SGCG: variants seen among roughly 807,000 people sequenced by gnomAD.
The protein encoded by SGCG is sarcoglycan gamma.
SGCG carries 26 observed loss-of-function variants against 29.3 expected under a neutral mutation model. That is an observed-to-expected ratio of 0.89 (90% CI 0.65 to 1.23). The LOEUF (loss-of-function observed/expected upper bound fraction) is 1.23. Among genes scored for constraint, SGCG ranks in the 50% most tolerant of loss-of-function variants. The probability of loss-of-function intolerance (pLI) is 0.00; values close to 1 mark genes in which losing one functional copy is unlikely to be tolerated. For synonymous variants in SGCG, 145 were observed against 129.7 expected (o/e 1.12, Z -0.80); for missense variants, 353 against 356.0 (o/e 0.99, Z 0.07).
intron 5 of SGCG, among the ~76,000 whole-genome samples, chr13:23,286,207 T>G (rs1446993470): frequency 6.6e-6 from 1 of 152,198 alleles, no homozygotes; most frequent in African/African-American, 2.4e-5. Context: ...TAGCCACTGG[T>G]CTCTCACCAT....
chr13:23,168,929 A>C, the SGCG span, among the ~76,000 whole-genome samples: 1 of 152,208 alleles, frequency 6.6e-6, no homozygotes, highest in East Asian at 1.9e-4. Flanking sequence ...TTGCATTGGA[A>C]TTTCCTTTCT....
At chr13:23,228,126 C>T (rs1482520758) in intron 2 of SGCG, among the ~76,000 whole-genome samples, 2 of 151,936 alleles carry the variant, frequency 1.3e-5, no homozygotes, top group African/African-American at 4.8e-5. Flanking sequence ...TAGAGCTGTC[C>T]TGTATCTTGA....
chr13:23,249,008 A>C (rs1467526220), intron 3 of SGCG, among the ~76,000 whole-genome samples: 2 of 148,684 alleles, frequency 1.3e-5, no homozygotes, highest in African/African-American at 4.9e-5. Flanking sequence ...AAAAAAAAAA[A>C]AAAACAAACC....
At chr13:23,187,886 C>A (rs910601093) in intron 1 of SGCG, among the ~76,000 whole-genome samples, 2 of 152,230 alleles carry the variant, frequency 1.3e-5, no homozygotes, top group African/African-American at 4.8e-5. Context: ...GCATATATTT[C>A]TCTGCTGCAG....
rs652074 is a variant in SGCG at position 23,210,584 on chromosome 13, G to A, written c.195+6695G>A. 4.5e-3 allele frequency among the ~76,000 whole-genome samples: 678 copies of A among 152,152 alleles called. 4 individuals are homozygous for A. Among genetic ancestry groups the A allele is most frequent in the African/African-American group, 0.015 (633 of 41,514 alleles). ...CGGGCGCCTGTAGTCCCAGCTACTC[G>A]GGAGGCTGAAGCAAGAGAATGCGGT... On this transcript the variant is annotated intron_variant, in intron 2 of 7. Coordinates refer to ENST00000218867, the MANE Select transcript of SGCG (RefSeq NM_000231.3).
intron 5 of SGCG, among the ~76,000 whole-genome samples, chr13:23,292,657 TATC>T (rs35980090): frequency 0.19 from 29,642 of 152,126 alleles, 3,098 homozygotes; most frequent in East Asian, 0.36. Context: ...TCAGTCATAA[TATC>T]ATCTTGTTTA....
intron 2 of SGCG, among the ~76,000 whole-genome samples, chr13:23,212,170 G>C (rs1238206533): frequency 6.6e-6 from 1 of 152,110 alleles, no homozygotes; most frequent in Non-Finnish European, 1.5e-5. Context: ...TATGCTTCCT[G>C]TGCAGCCTGT....
At chr13:23,223,067 A>G (rs916655619) in intron 2 of SGCG, among the ~76,000 whole-genome samples, 1 of 152,028 alleles carries the variant, frequency 6.6e-6, no homozygotes. Context: ...TCACGAGGTC[A>G]GGAGATCGAG....
intron 6 of SGCG, among the ~76,000 whole-genome samples, chr13:23,310,182 G>A (rs1489089056): frequency 2.1e-5 from 3 of 143,458 alleles, no homozygotes; most frequent in Non-Finnish European, 4.5e-5. Context: ...CGCCTCCTGG[G>A]TTCACGCCAT....
chr13:23,324,262 T>C (rs1362598210), intron 7 of SGCG, 106 bp from the exon 8 acceptor site: 2 of 1,072,498 alleles, frequency 1.9e-6, no homozygotes, highest in Non-Finnish European at 2.8e-6. Flanking sequence ...CTATTTTGTT[T>C]TCTATGAGGA....
intron 4 of SGCG, among the ~76,000 whole-genome samples, chr13:23,265,441 G>T (rs1349979213): frequency 6.6e-6 from 1 of 152,134 alleles, no homozygotes; most frequent in Non-Finnish European, 1.5e-5. Context: ...GCTGGGTGCA[G>T]TTGCACGCAC....
At chr13:23,183,330 TGAC>T (rs1876823003) in intron 1 of SGCG, among the ~76,000 whole-genome samples, 1 of 152,112 alleles carries the variant, frequency 6.6e-6, no homozygotes, top group Admixed American at 6.5e-5. Flanking sequence ...CTCGGGAAAA[TGAC>T]GGTAACTGGT....
At chr13:23,280,342 T>A (rs987172407) in intron 5 of SGCG, among the ~76,000 whole-genome samples, 2 of 152,220 alleles carry the variant, frequency 1.3e-5, no homozygotes, top group Non-Finnish European at 2.9e-5. Flanking sequence ...CTTTCTGTAC[T>A]ACTGTGAAAA....
chr13:23,182,949 A>G (rs544332), intron 1 of SGCG, among the ~76,000 whole-genome samples: 150,582 of 152,304 alleles, frequency 0.99, 74,471 homozygotes, highest in Middle Eastern at 1. Flanking sequence ...GGCAGTGAAG[A>G]GTACCTTAAA....
rs148669441 is a variant in SGCG, at chr13:23,312,639, T to C, written c.579-7998T>C. ...AGGGGGTGAGGGATGAGAAATCACT[T>C]AATGGGTACAGTGCATGCCATTCGG... On this transcript the variant is annotated intron_variant, in intron 6 of 7. Coordinates refer to ENST00000218867, the MANE Select transcript of SGCG (RefSeq NM_000231.3). Among the ~76,000 whole-genome samples, 350 of 152,298 alleles carry C rather than the reference T, an allele frequency of 2.3e-3. 2 individuals are homozygous for C. Among genetic ancestry groups the C allele is most frequent in the African/African-American group, 8.1e-3 (337 of 41,558 alleles).
chr13:23,277,799 T>C (rs4769252), intron 4 of SGCG, among the ~76,000 whole-genome samples: 15,855 of 150,498 alleles, frequency 0.11, 951 homozygotes, highest in Non-Finnish European at 0.12. Flanking sequence ...CCCAGGTTCA[T>C]GCCATTCTCC....
intron 1 of SGCG, among the ~76,000 whole-genome samples, chr13:23,203,210 C>T (rs1877837154): frequency 6.6e-6 from 1 of 152,212 alleles, no homozygotes; most frequent in Admixed American, 6.5e-5. Flanking sequence ...CCGCCCACCT[C>T]AGCCTCCCAA....
chr13:23,301,860 C>G (rs928691249), intron 6 of SGCG, among the ~76,000 whole-genome samples: 2 of 151,542 alleles, frequency 1.3e-5, no homozygotes, highest in African/African-American at 4.9e-5. Context: ...CCACTGCACT[C>G]CAGCCTGGGC....
At chr13:23,308,329 G>A (rs373682864) in intron 6 of SGCG, among the ~76,000 whole-genome samples, 3 of 152,254 alleles carry the variant, frequency 2.0e-5, no homozygotes, top group African/African-American at 7.2e-5. Flanking sequence ...CTTTCTGAGT[G>A]GGAATACCCA....
Sources: gnomAD v4.1 joint callset for allele counts (sites outside exome capture counted in the v4.1 genomes callset) on GRCh38, gnomAD v4.1.1 for gene constraint, MANE v1.5 for transcripts, NCBI Gene and HGNC (gene_info 2026-07-23, HGNC 2026-07-21) for gene names.